Variants in PMF1 observed in about 807,000 individuals in gnomAD.
PMF1 encodes polyamine-modulated factor 1.
In PMF1, 21 loss-of-function variants were observed where a neutral mutation model predicts 26.7. The observed-to-expected ratio is 0.79, with a 90% CI of 0.56 to 1.13. The LOEUF (loss-of-function observed/expected upper bound fraction) is 1.13. Among genes scored for constraint, PMF1 ranks in the 50% most tolerant of loss-of-function variants. The pLI is 0.00. For synonymous variants in PMF1, 105 were observed against 101.0 expected (o/e 1.04, Z -0.24); for missense variants, 266 against 254.9 (o/e 1.04, Z -0.30).
chr1:156,235,109 C>T (rs1040451107), intron 3 of PMF1, among the ~76,000 whole-genome samples: 5 of 144,436 alleles, frequency 3.5e-5, no homozygotes, highest in East Asian at 2.0e-4. Context: ...TTAAGTTTCA[C>T]AACTGAAAAA....
Position 156,239,691 on chromosome 1 carries a change from G to A in PMF1, c.*90G>A, listed in dbSNP as rs893399685. 2.7e-5 allele frequency: 28 copies of A among 1,025,084 alleles called. 1 individual carries two copies. The highest frequency in any genetic ancestry group is 3.1e-5 in the Non-Finnish European group (20 of 654,036). The allele number at this position is 1,025,084 out of a possible 1,614,324, so 63.5% of individuals were successfully genotyped here. A position where few individuals can be genotyped will look rare whatever the true frequency, so the allele number is the denominator to read the frequency against. On this transcript the variant is annotated 3_prime_UTR_variant, in exon 5 of 5. Transcript: ENST00000368277. Reference sequence around the variant, plus strand: ...GCCTGGGCGGGCTACCTCTGAGAACGGCTGAAATGGTGCCCAGTCCATCAG... The same window carrying A: ...GCCTGGGCGGGCTACCTCTGAGAACAGCTGAAATGGTGCCCAGTCCATCAG...
rs148889699 is a variant in PMF1 at position 156,222,681 on chromosome 1, C to T, written c.161+9505C>T. On this transcript the variant is annotated intron_variant, in intron 1 of 4. Transcript: ENST00000368277. ...ACAGACATGAGCCACTGCTCCCAGC[C>T]GAATACAGACTTTTAAGTAGAGACG... Among the ~76,000 whole-genome samples, 837 of 152,078 alleles carry T rather than the reference C, an allele frequency of 5.5e-3. 7 individuals carry two copies. The highest frequency in any genetic ancestry group is 0.014 in the Middle Eastern group (4 of 292).
chr1:156,232,345 A>AT lies in PMF1; in HGVS notation c.187_188insT (p.Lys63IlefsTer16). 6.2e-7 allele frequency: 1 copy of AT among 1,614,080 alleles called. No homozygotes were observed. The highest frequency in any genetic ancestry group is 2.2e-5 in the East Asian group (1 of 44,880). On this transcript the variant is annotated frameshift_variant, in exon 2 of 5. Coordinates refer to ENST00000368277, the MANE Select transcript of PMF1 (RefSeq NM_007221.4). LOFTEE classifies it high-confidence loss of function. ...CTACCAGAGATTCACTGACTGCTAT[A>AT]AGTGCTTCTACCAGTTGCAGCCTGC...
At chr1:156,219,514 A>C (rs1657966286) in intron 1 of PMF1, among the ~76,000 whole-genome samples, 1 of 152,124 alleles carries the variant, frequency 6.6e-6, no homozygotes, top group Non-Finnish European at 1.5e-5. Context: ...TGTCTCTGCC[A>C]GTGCATGTGG....
chr1:156,216,306 G>A (rs1264047244), intron 1 of PMF1, among the ~76,000 whole-genome samples: 16 of 152,064 alleles, frequency 1.1e-4, no homozygotes. Context: ...CAGGAGAATC[G>A]CTTGAACCTG....
Position 156,236,396 on chromosome 1 carries a change from C to G in PMF1, c.477C>G (p.Asn159Lys), listed in dbSNP as rs148649401. 5.6e-6 allele frequency: 9 copies of G among 1,614,100 alleles called. No homozygotes were observed. The African/African-American group carries it at 1.2e-4, about 22-fold the overall frequency. ...ATGTGCAGAAACAGGAGGCCGAGAACCAGCAGCTGGCAGATGCCGTCCTGG... is the reference window on the plus strand; with the variant it reads ...ATGTGCAGAAACAGGAGGCCGAGAAGCAGCAGCTGGCAGATGCCGTCCTGG... ...RRHVQKQEAE[N>K]QQLADAVLAG... Residue 159 changes from asparagine to lysine, a missense_variant, in exon 4 of 5, where the codon AAC becomes AAG. Physicochemically the swap from Asn to Lys is moderately conservative, Grantham distance 94. Transcript: ENST00000368277.
In PMF1 at chr1:156,226,805, A is replaced by G. The variant is rs745486818; in HGVS notation, c.162-5515A>G. On this transcript the variant is annotated intron_variant, in intron 1 of 4. Coordinates refer to ENST00000368277, the MANE Select transcript of PMF1 (RefSeq NM_007221.4). ...AGAGATAGGATTTGAATCCAGGGAA[A>G]ATGACAGGTAGTCTGTCCAGAGAAC... Among the ~76,000 whole-genome samples, 9 of 152,182 alleles carry G rather than the reference A, an allele frequency of 5.9e-5. No individual in the cohort carries two copies. The South Asian group carries it at 6.2e-4, about 11-fold the overall frequency.
intron 4 of PMF1, among the ~76,000 whole-genome samples, chr1:156,237,912 G>A (rs1382692733): frequency 6.6e-6 from 1 of 150,666 alleles, no homozygotes; most frequent in South Asian, 2.1e-4. Context: ...GGGATTACAG[G>A]TACCTGCTGT....
At position 156,234,550 on chromosome 1, in the gene PMF1, C is replaced by A. The variant is rs533348788; in HGVS notation, c.368+822C>A. 3.3e-5 allele frequency among the ~76,000 whole-genome samples: 5 copies of A among 151,850 alleles called. No individual in the cohort carries two copies. The South Asian group carries it at 1.0e-3, about 32-fold the overall frequency. On this transcript the variant is annotated intron_variant, in intron 3 of 4. Coordinates refer to ENST00000368277, the MANE Select transcript of PMF1 (RefSeq NM_007221.4). ...TTAAGACAGAGTCTTGCTCTGTTGC[C>A]CAGGTTGGAGTACAGTGGTGTGATC...
rs140789359 is a variant in PMF1 at position 156,215,003 on chromosome 1, G to T, written c.161+1827G>T. Among the ~76,000 whole-genome samples, 664 of 151,546 alleles carry T rather than the reference G, an allele frequency of 4.4e-3. 3 individuals are homozygous for T. Among genetic ancestry groups the T allele is most frequent in the African/African-American group, 0.015 (620 of 41,260 alleles). ...AGTGATTCTCCTCCCTCAGCCTCCC[G>T]AGTAGTTGAGATTACAGGTGCCTGC... On this transcript the variant is annotated intron_variant, in intron 1 of 4. Coordinates refer to ENST00000368277, the MANE Select transcript of PMF1 (RefSeq NM_007221.4).
Position 156,228,256 on chromosome 1 carries a change from A to ATTTTTT in PMF1, c.162-4037_162-4032dup, listed in dbSNP as rs772709878. On this transcript the variant is annotated intron_variant, in intron 1 of 4. Transcript: ENST00000368277. ...CAGGCGTGAGCCACCGCACCTGGCG[A>ATTTTTT]TTTTTTTTTTTTTTTTTTTTTTTTT... is the stretch of plus-strand genomic sequence containing the variant. Among the ~76,000 whole-genome samples, 333 of 33,556 alleles carry ATTTTTT rather than the reference A, an allele frequency of 9.9e-3. 87 individuals carry two copies. The highest frequency in any genetic ancestry group is 0.012 in the African/African-American group (115 of 9,752). 22.0% of individuals were successfully genotyped at this position (33,556 alleles called of 152,430 possible). A position where few individuals can be genotyped will look rare whatever the true frequency, so the allele number is the denominator to read the frequency against.
chr1:156,215,738 G>T (rs1210551097), intron 1 of PMF1, among the ~76,000 whole-genome samples: 1 of 151,970 alleles, frequency 6.6e-6, no homozygotes, highest in African/African-American at 2.4e-5. Context: ...GCTCAGGTTG[G>T]AGTGTAATGG....
Position 156,213,170 on chromosome 1 carries a change from C to G in PMF1, c.155C>G (p.Ala52Gly), listed in dbSNP as rs377154093. The change falls in exon 1 of 5, where the codon GCC becomes GGC. Residue 52 changes from alanine to glycine, a missense_variant. Transcript: ENST00000368277. ...VDTFLQKLVA[A>G]GSYQRFTDCY... ...ACTTTTCTTCAGAAGCTGGTCGCCG[C>G]CGGCAGGTAAAGTGGACGCAGCCGC... The G allele has an allele frequency of 1.9e-6, 3 of 1,612,810 alleles. No individual in the cohort carries two copies. The highest frequency in any genetic ancestry group is 2.2e-5 in the South Asian group (2 of 91,054).
chr1:156,215,942 G>A (rs1657672803), intron 1 of PMF1, among the ~76,000 whole-genome samples: 1 of 152,112 alleles, frequency 6.6e-6, no homozygotes, highest in Non-Finnish European at 1.5e-5. Context: ...GCCTGCCTCG[G>A]CCACTTATTT....
Position 156,224,987 on chromosome 1 carries a change from C to T in PMF1, c.162-7333C>T, listed in dbSNP as rs367781828. On this transcript the variant is annotated intron_variant, in intron 1 of 4. Coordinates refer to ENST00000368277, the MANE Select transcript of PMF1 (RefSeq NM_007221.4). Reference sequence around the variant, plus strand: ...CCATCTTGGCTCACTGCAACCTCCGCCTCCCGGGTTAAAGCGATTCTCCTG... The same window carrying T: ...CCATCTTGGCTCACTGCAACCTCCGTCTCCCGGGTTAAAGCGATTCTCCTG... Among the ~76,000 whole-genome samples, 3 of 151,788 alleles carry T rather than the reference C, an allele frequency of 2.0e-5. No homozygotes were observed. In the East Asian group the frequency reaches 5.9e-4, roughly 30 times the overall value.
intron 1 of PMF1, among the ~76,000 whole-genome samples, chr1:156,231,216 CAAAAAAAAAA>C (rs71080753): frequency 1.4e-4 from 7 of 48,412 alleles, no homozygotes; most frequent in South Asian, 1.1e-3. Flanking sequence ...GACTCCATCT[CAAAAAAAAAA>C]AAAAAAAAAA....
At chr1:156,231,436 A>T (rs1658701573) in intron 1 of PMF1, among the ~76,000 whole-genome samples, 1 of 151,348 alleles carries the variant, frequency 6.6e-6, no homozygotes, top group South Asian at 2.1e-4. Flanking sequence ...TTCAGGCTGG[A>T]TTACACCTGT....
Position 156,239,685 on chromosome 1 carries a change from G to T in PMF1, c.*84G>T. The T allele has an allele frequency of 9.0e-7, 1 of 1,110,826 alleles. No homozygotes were observed. The highest frequency in any genetic ancestry group is 1.3e-5 in the South Asian group (1 of 78,224). The allele number at this position is 1,110,826 out of a possible 1,614,324, so 68.8% of individuals were successfully genotyped here. A position where few individuals can be genotyped will look rare whatever the true frequency, so the allele number is the denominator to read the frequency against. Reference sequence around the variant, plus strand: ...TGCCTGGCCTGGGCGGGCTACCTCTGAGAACGGCTGAAATGGTGCCCAGTC... The same window carrying T: ...TGCCTGGCCTGGGCGGGCTACCTCTTAGAACGGCTGAAATGGTGCCCAGTC... On this transcript the variant is annotated 3_prime_UTR_variant, in exon 5 of 5. Coordinates refer to ENST00000368277, the MANE Select transcript of PMF1 (RefSeq NM_007221.4).
intron 1 of PMF1, among the ~76,000 whole-genome samples, chr1:156,222,488 T>C (rs1053298953): frequency 6.6e-6 from 1 of 152,168 alleles, no homozygotes; most frequent in Non-Finnish European, 1.5e-5. Flanking sequence ...GTTCAAGCGA[T>C]TCTGCCGCGT....
Sources: allele counts gnomAD v4.1 joint callset (sites outside exome capture counted in the v4.1 genomes callset), GRCh38; gene constraint gnomAD v4.1.1; transcripts MANE v1.5; gene names NCBI Gene and HGNC (gene_info 2026-07-23, HGNC 2026-07-21).